The following YAF2 variants were observed in gnomAD, a reference collection of about 807,000 sequenced individuals.
YAF2 encodes the protein YY1-associated factor 2.
A neutral mutation model predicts 20.1 loss-of-function variants in YAF2; 7 were observed. The ratio of observed to expected loss-of-function variants is 0.35; its 90% CI spans 0.20 to 0.65. The LOEUF (loss-of-function observed/expected upper bound fraction) is 0.65. YAF2 is among the 30% of genes least tolerant of loss of function. The probability of loss-of-function intolerance (pLI) is 0.69; values close to 1 mark genes in which losing one functional copy is unlikely to be tolerated. For missense variants in YAF2, 151 were observed against 219.2 expected (o/e 0.69, Z 1.96); for synonymous variants, 74 against 76.0 (o/e 0.97, Z 0.14).
chr12:42,227,710 C>A (rs1330341616), intron 2 of YAF2, among the ~76,000 whole-genome samples: 13 of 150,160 alleles, frequency 8.7e-5, no homozygotes, highest in Non-Finnish European at 1.6e-4. Context: ...AAGTGAGGAG[C>A]GTCTCCGCCC....
At chr12:42,233,272 A>G in intron 2 of YAF2, 5 of 985,442 alleles carry the variant, frequency 5.1e-6, no homozygotes, top group Non-Finnish European at 4.8e-6. Flanking sequence ...AAAATGTAAC[A>G]TTACCTGTTA....
chr12:42,168,156 T>TCAAGAAAAGAAAGA (rs1382596653), intron 2 of YAF2, among the ~76,000 whole-genome samples: 5 of 151,138 alleles, frequency 3.3e-5, no homozygotes, highest in Non-Finnish European at 5.9e-5. Context: ...CACGTCTATC[T>TCAAGAAAAGAAAGA]CAAGAAAAGA....
intron 2 of YAF2, among the ~76,000 whole-genome samples, chr12:42,213,775 GTA>G (rs2137252996): frequency 6.6e-6 from 1 of 152,276 alleles, no homozygotes; most frequent in East Asian, 1.9e-4. Flanking sequence ...TTCAGTGTGT[GTA>G]TATTAATGAC....
rs568040175 is a variant in YAF2 at position 42,215,302 on chromosome 12, G to T, written c.152+22297C>A. Among the ~76,000 whole-genome samples the T allele has an allele frequency of 6.6e-5, 10 of 152,104 alleles. No homozygotes were observed. The East Asian group carries it at 1.9e-3, about 30-fold the overall frequency. Reference sequence around the variant, plus strand: ...AAATCCAGTGTAGGCTGGGTGCAATGGCTAACACCTGTAATTCCAGCACTT... The same window carrying T: ...AAATCCAGTGTAGGCTGGGTGCAATTGCTAACACCTGTAATTCCAGCACTT... On this transcript the variant is annotated intron_variant, in intron 2 of 3. Transcript: ENST00000534854.
Position 42,160,267 on chromosome 12 carries a change from ATAG to A in YAF2, c.*319_*321del, listed in dbSNP as rs1247853754. On this transcript the variant is annotated 3_prime_UTR_variant, in exon 4 of 4. Transcript: ENST00000534854. ...AAAAATTTAAATTCGTTACATGCCA[ATAG>A]TAGAGAATTCAAGAATTATGTGTTA... The A allele has an allele frequency of 8.2e-6, 2 of 243,736 alleles. No individual in the cohort carries two copies. The highest frequency in any genetic ancestry group is 1.6e-5 in the Non-Finnish European group (2 of 125,532). The allele number at this position is 243,736 out of a possible 1,614,324, so 15.1% of individuals were successfully genotyped here. A position where few individuals can be genotyped will look rare whatever the true frequency, so the allele number is the denominator to read the frequency against.
In YAF2 at chr12:42,157,921, A is replaced by G. The variant is rs1004139421; in HGVS notation, c.*2668T>C. 5.9e-5 allele frequency: 9 copies of G among 152,168 alleles called. No homozygotes were observed. The highest frequency in any genetic ancestry group is 2.2e-4 in the African/African-American group (9 of 41,446). 9.4% of individuals were successfully genotyped at this position (152,168 alleles called of 1,614,324 possible). Reference sequence around the variant, plus strand: ...TGGCATGAGCCATCACACCCGGCCTATCTTCACTCTTACTTATAGCAAAGT... The same window carrying G: ...TGGCATGAGCCATCACACCCGGCCTGTCTTCACTCTTACTTATAGCAAAGT... On this transcript the variant is annotated 3_prime_UTR_variant, in exon 4 of 4. Transcript: ENST00000534854.
At chr12:42,212,762 T>G (rs753399848) in intron 2 of YAF2, among the ~76,000 whole-genome samples, 1 of 152,226 alleles carries the variant, frequency 6.6e-6, no homozygotes, top group Non-Finnish European at 1.5e-5. Flanking sequence ...AAGATACAAA[T>G]TGCCTTGGGT....
intron 2 of YAF2, among the ~76,000 whole-genome samples, chr12:42,199,709 A>G (rs1012326079): frequency 2.0e-5 from 3 of 152,194 alleles, no homozygotes; most frequent in South Asian, 2.1e-4. Flanking sequence ...TTCACAAGCT[A>G]GCACTAACCA....
chr12:42,220,904 A>G (rs537428633), intron 2 of YAF2, among the ~76,000 whole-genome samples: 51 of 152,338 alleles, frequency 3.3e-4, no homozygotes, highest in African/African-American at 1.2e-3. Flanking sequence ...TTGTATCACA[A>G]ATAAAAGAGA....
chr12:42,181,115 C>T (rs1028022539), intron 2 of YAF2, among the ~76,000 whole-genome samples: 2 of 152,194 alleles, frequency 1.3e-5, no homozygotes, highest in Non-Finnish European at 2.9e-5. Flanking sequence ...TGCAACAAAT[C>T]ATCCATTAGG....
chr12:42,210,420 A>T, intron 2 of YAF2: 2 of 1,533,830 alleles, frequency 1.3e-6, no homozygotes, highest in Non-Finnish European at 1.7e-6. Context: ...CCTTCTGTTC[A>T]GCATGAGAAT....
rs2066430208 is a variant in YAF2 at position 42,184,821 on chromosome 12, T to C, written c.153-23056A>G. On this transcript the variant is annotated intron_variant, in intron 2 of 3. Coordinates refer to ENST00000534854, the MANE Select transcript of YAF2 (RefSeq NM_005748.6). ...GGAAGTTGATGCCAATTATCATGGA[T>C]GACTGAATGGTTCAAGATTTCAGTG... 2.0e-5 allele frequency among the ~76,000 whole-genome samples: 3 copies of C among 152,190 alleles called. No individual in the cohort carries two copies. The South Asian group carries it at 6.2e-4, about 32-fold the overall frequency.
At chr12:42,205,663 G>A (rs2067021004) in intron 2 of YAF2, among the ~76,000 whole-genome samples, 1 of 152,120 alleles carries the variant, frequency 6.6e-6, no homozygotes, top group South Asian at 2.1e-4. Flanking sequence ...GTGAGCCACC[G>A]TGCCCGGTCA....
intron 2 of YAF2, among the ~76,000 whole-genome samples, chr12:42,190,140 T>G (rs914497051): frequency 6.6e-6 from 1 of 152,202 alleles, no homozygotes; most frequent in Non-Finnish European, 1.5e-5. Context: ...GCCAGGAGTT[T>G]GATTCCAGCC....
chr12:42,193,172 G>A (rs779095182), intron 2 of YAF2, among the ~76,000 whole-genome samples: 22 of 151,914 alleles, frequency 1.4e-4, no homozygotes, highest in Non-Finnish European at 2.1e-4. Flanking sequence ...AAAATTAGCC[G>A]GGTGTGGTGG....
At chr12:42,173,997 C>T (rs1176517365) in intron 2 of YAF2, among the ~76,000 whole-genome samples, 1 of 152,038 alleles carries the variant, frequency 6.6e-6, no homozygotes, top group African/African-American at 2.4e-5. Flanking sequence ...AGGACACACT[C>T]CTGCCACTGA....
At chr12:42,212,536 C>A in intron 2 of YAF2, 1 of 387,300 alleles carries the variant, frequency 2.6e-6, no homozygotes, top group South Asian at 1.9e-5. Context: ...AGTCTAGTAA[C>A]TAACTCACCA....
rs1466711690 is a variant in YAF2 at position 42,196,270 on chromosome 12, AACAGCATCCAGAGAT to A, written c.153-34520_153-34506del. Among the ~76,000 whole-genome samples the A allele has an allele frequency of 9.2e-5, 14 of 151,962 alleles. No individual in the cohort carries two copies. The South Asian group carries it at 1.9e-3, about 20-fold the overall frequency. ...AAAAAAAGAGCGGGAGGACAGGCAA[AACAGCATCCAGAGAT>A]TAGAGTGTGTGTAAAGGCCAGAAAG... On this transcript the variant is annotated intron_variant, in intron 2 of 3. Transcript: ENST00000534854.
intron 2 of YAF2, among the ~76,000 whole-genome samples, chr12:42,215,935 T>A (rs61940228): frequency 2.4e-3 from 43 of 18,170 alleles, no homozygotes; most frequent in Non-Finnish European, 3.2e-3. Context: ...AAAAAATAAA[T>A]AAATAAATAA....
Sources: allele counts gnomAD v4.1 joint callset (sites outside exome capture counted in the v4.1 genomes callset), GRCh38; gene constraint gnomAD v4.1.1; transcripts MANE v1.5; gene names NCBI Gene and HGNC (gene_info 2026-07-23, HGNC 2026-07-21).